The following CELF2 variants were observed in gnomAD, a reference collection of about 807,000 sequenced individuals.
CELF2 encodes CUG triplet repeat RNA-binding protein 2.
A neutral mutation model predicts 62.6 loss-of-function variants in CELF2; 8 were observed. That is an observed-to-expected ratio of 0.13 (90% confidence interval 0.07 to 0.23). The LOEUF is 0.23. Among genes scored for constraint, CELF2 ranks in the 10% least tolerant of loss-of-function variants. The probability of loss-of-function intolerance (pLI) is 1.00; values close to 1 mark genes in which losing one functional copy is unlikely to be tolerated. For missense variants in CELF2, 333 were observed against 671.0 expected, an observed-to-expected ratio of 0.50 and a Z score of 5.56; for synonymous variants, 258 against 250.0, an observed-to-expected ratio of 1.03 and a Z score of -0.30.
At position 11,331,578 on chromosome 10, in the gene CELF2, T is replaced by C. The variant is rs1263564847; in HGVS notation, c.*2525T>C. On this transcript the variant is annotated 3_prime_UTR_variant, in exon 13 of 13. Transcript: ENST00000633077. Reference sequence around the variant, plus strand: ...ATTTGATAACATGGGTATTTTATTATGTGTTTTGTATAAATCCCTAATATT... The same window carrying C: ...ATTTGATAACATGGGTATTTTATTACGTGTTTTGTATAAATCCCTAATATT... The C allele has an allele frequency of 6.6e-6, 1 of 152,348 alleles. No individual in the cohort carries two copies. The highest frequency in any genetic ancestry group is 1.5e-5 in the Non-Finnish European group (1 of 67,988). 9.4% of individuals were successfully genotyped at this position (152,348 alleles called of 1,614,324 possible).
At chr10:11,195,295 A>G (rs952310967) in intron 2 of CELF2, among the ~76,000 whole-genome samples, 2 of 152,238 alleles carry the variant, frequency 1.3e-5, no homozygotes, top group African/African-American at 4.8e-5. Context: ...CAAGGAGAAC[A>G]GAAACACAGC....
chr10:10,857,219 G>A (rs781727045), intron 1 of CELF2, among the ~76,000 whole-genome samples: 6 of 152,138 alleles, frequency 3.9e-5, no homozygotes, highest in African/African-American at 9.7e-5. Context: ...TGCACTGGGG[G>A]AATCTTCACA....
the CELF2 span, among the ~76,000 whole-genome samples, chr10:10,580,474 G>A: frequency 5.3e-5 from 8 of 152,038 alleles, no homozygotes; most frequent in South Asian, 2.1e-4. Context: ...GTTCCTGTTC[G>A]CACCCTTAAA....
In CELF2 at chr10:11,267,156, A is replaced by G. The variant is rs1380228420; in HGVS notation, c.618+479A>G. ...TAGTCAAACAGCATTGTGTTTTTACATCAAGAATGTTGGAGAAAGTTAATA... is the reference window on the plus strand; with the variant it reads ...TAGTCAAACAGCATTGTGTTTTTACGTCAAGAATGTTGGAGAAAGTTAATA... On this transcript the variant is annotated intron_variant, in intron 6 of 12. Transcript: ENST00000633077. The surrounding 1 kb of genome is among the most constrained non-coding windows in gnomAD (Gnocchi z 4.4). 6.6e-6 allele frequency among the ~76,000 whole-genome samples: 1 copy of G among 152,268 alleles called. No individual in the cohort carries two copies. The highest frequency in any genetic ancestry group is 1.5e-5 in the Non-Finnish European group (1 of 68,048).
At chr10:11,000,418 A>C (rs554861046), upstream of CELF2, among the ~76,000 whole-genome samples, 2 of 152,148 alleles carry the variant, frequency 1.3e-5, no homozygotes, top group African/African-American at 4.8e-5. Flanking sequence ...ATGGTTTGCT[A>C]TTTATACATA....
Position 11,103,024 on chromosome 10 carries a change from A to G in CELF2, c.75-62462A>G, listed in dbSNP as rs76216198. On this transcript the variant is annotated intron_variant, in intron 1 of 12. Transcript: ENST00000633077. ...CCTGAGTCTCATCTTGTTACTCCCT[A>G]TTCAGAATTCTCCAGTGCCTCTCCT... 9.0e-3 allele frequency among the ~76,000 whole-genome samples: 1,378 copies of G among 152,288 alleles called. 19 individuals are homozygous for G. Among genetic ancestry groups the G allele is most frequent in the African/African-American group, 0.032 (1,320 of 41,554 alleles).
chr10:10,673,154 G>A, the CELF2 span, among the ~76,000 whole-genome samples: 36 of 151,932 alleles, frequency 2.4e-4, no homozygotes, highest in Middle Eastern at 3.4e-3. Flanking sequence ...CATAATAATC[G>A]CTTACTAGTT....
chr10:10,745,893 C>T, the CELF2 span, among the ~76,000 whole-genome samples: 1 of 152,178 alleles, frequency 6.6e-6, no homozygotes, highest in Non-Finnish European at 1.5e-5. Flanking sequence ...GGGCAAAACA[C>T]GTTTGATGCT....
At chr10:11,022,762 T>C (rs963239108) in intron 1 of CELF2, among the ~76,000 whole-genome samples, 4 of 152,174 alleles carry the variant, frequency 2.6e-5, no homozygotes, top group Non-Finnish European at 4.4e-5. Flanking sequence ...CAGCGCCCAA[T>C]ATGACCCAGC....
chr10:10,792,484 C>T, the CELF2 span: 1 of 398,188 alleles, frequency 2.5e-6, no homozygotes, highest in Admixed American at 4.4e-5. Context: ...TTCGGCTTTC[C>T]TTGAAAACTC....
chr10:10,491,476 A>T, the CELF2 span, among the ~76,000 whole-genome samples: 1 of 152,196 alleles, frequency 6.6e-6, no homozygotes, highest in Non-Finnish European at 1.5e-5. Context: ...TCTTACAAAC[A>T]TACGCTGGCA....
chr10:10,943,208 T>G (rs2047243798), intron 2 of CELF2, among the ~76,000 whole-genome samples: 1 of 152,218 alleles, frequency 6.6e-6, no homozygotes, highest in South Asian at 2.1e-4. Context: ...GAATAAGGTC[T>G]TCTTCCTGGC....
At chr10:10,677,255 T>TAA in the CELF2 span, among the ~76,000 whole-genome samples, 1 of 152,216 alleles carries the variant, frequency 6.6e-6, no homozygotes, top group South Asian at 2.1e-4. Flanking sequence ...GAGTGGGTCT[T>TAA]ACGCTTGTGG....
the CELF2 span, among the ~76,000 whole-genome samples, chr10:10,487,145 G>C: frequency 4.6e-5 from 7 of 152,230 alleles, no homozygotes; most frequent in East Asian, 1.3e-3. Flanking sequence ...TCAGCAAATG[G>C]GGATGCTGCA....
At chr10:11,077,149 A>AGTTGTAGT (rs2072244139) in intron 1 of CELF2, among the ~76,000 whole-genome samples, 1 of 152,198 alleles carries the variant, frequency 6.6e-6, no homozygotes, top group Non-Finnish European at 1.5e-5. Flanking sequence ...TGGTGGTAGT[A>AGTTGTAGT]GTTCACACAG....
chr10:10,714,310 G>A, the CELF2 span, among the ~76,000 whole-genome samples: 2 of 152,020 alleles, frequency 1.3e-5, no homozygotes, highest in African/African-American at 4.8e-5. Flanking sequence ...CATTTTCTTT[G>A]GTAAAAGAAA....
the CELF2 span, among the ~76,000 whole-genome samples, chr10:10,506,307 T>C: frequency 4.6e-5 from 7 of 150,816 alleles, no homozygotes; most frequent in East Asian, 1.4e-3. Context: ...TGTGTATCTG[T>C]GTCTGTGTCT....
intron 3 of CELF2, among the ~76,000 whole-genome samples, chr10:11,228,292 CAG>C (rs1283328599): frequency 6.6e-6 from 1 of 152,152 alleles, no homozygotes; most frequent in African/African-American, 2.4e-5. Flanking sequence ...ACTATGTCCT[CAG>C]AACTATGCCA....
chr10:10,800,523 T>G (rs978480708), intron 1 of CELF2, among the ~76,000 whole-genome samples: 1 of 152,176 alleles, frequency 6.6e-6, no homozygotes, highest in Non-Finnish European at 1.5e-5. Context: ...GGCTAATTTT[T>G]TCTATTTTTA....
Sources: allele counts gnomAD v4.1 joint callset (sites outside exome capture counted in the v4.1 genomes callset), GRCh38; gene constraint gnomAD v4.1.1; non-coding constraint Gnocchi (gnomAD v3.1); transcripts MANE v1.5; gene names NCBI Gene and HGNC (gene_info 2026-07-23, HGNC 2026-07-21).